Variants in FAM181B observed in about 807,000 individuals in gnomAD.
FAM181B encodes the protein protein FAM181B.
A neutral mutation model predicts 17.8 loss-of-function variants in FAM181B; 13 were observed. The ratio of observed to expected loss-of-function variants is 0.73; its 90% CI spans 0.48 to 1.16. FAM181B has a LOEUF of 1.16. Ranked by LOEUF, FAM181B falls within the 50% of genes most tolerant of loss-of-function variation. The pLI is 0.00. For synonymous variants in FAM181B, 338 were observed against 316.5 expected (o/e 1.07, Z -0.72); for missense variants, 725 against 634.1 (o/e 1.14, Z -1.54).
At position 82,730,724 on chromosome 11, in the gene FAM181B, G is replaced by C. The variant is rs1244470435; in HGVS notation, c.*1725C>G. 1 of 152,168 alleles carries C rather than the reference G, an allele frequency of 6.6e-6. No homozygotes were observed. Among genetic ancestry groups the C allele is most frequent in the Non-Finnish European group, 1.5e-5 (1 of 68,036 alleles). The allele number at this position is 152,168 out of a possible 1,614,324, so 9.4% of individuals were successfully genotyped here. A position where few individuals can be genotyped will look rare whatever the true frequency, so the allele number is the denominator to read the frequency against. On this transcript the variant is annotated 3_prime_UTR_variant, in exon 1 of 1. Coordinates refer to ENST00000329203, the MANE Select transcript of FAM181B (RefSeq NM_175885.4). The stretch of plus-strand genomic sequence containing the variant: ...TGACTTACTGATAGCATTTAAAGTT[G>C]CATCTACCATTGGTTAATACTCATT...
At position 82,733,629 on chromosome 11, in the gene FAM181B, T is replaced by G. The variant is rs1857171172; in HGVS notation, c.101A>C (p.Lys34Thr). Residue 34 changes from lysine (K) to threonine (T), a missense_variant, in exon 1 of 1, where the codon AAG (lysine) becomes ACG (threonine). Lys to Thr is a moderately conservative substitution (Grantham distance 78). Transcript: ENST00000329203. Reference sequence around the variant, plus strand: ...CTCATCGTCCTCGAAACAGCAGCCCTTGTCCAGGGCTCCGAAGGCGCCCCC... The same window carrying G: ...CTCATCGTCCTCGAAACAGCAGCCCGTGTCCAGGGCTCCGAAGGCGCCCCC... ...GLGGAFGALD[K>T]GCCFEDDETG... The G allele has an allele frequency of 1.2e-6, 2 of 1,600,118 alleles. No individual in the cohort carries two copies. The highest frequency in any genetic ancestry group is 1.7e-5 in the Admixed American group (1 of 59,498).
chr11:82,732,103 CCTT>C lies in FAM181B; in HGVS notation c.*343_*345del. On this transcript the variant is annotated 3_prime_UTR_variant, in exon 1 of 1. Transcript: ENST00000329203. ...GGGGTAATTACACTAAATACACTGA[CCTT>C]CGCTGAAAAATAGAAGGGACAGGTG... 1 of 315,580 alleles carries C rather than the reference CCTT, an allele frequency of 3.2e-6. No individual in the cohort carries two copies. The highest frequency in any genetic ancestry group is 4.6e-5 in the South Asian group (1 of 21,720). 19.5% of individuals were successfully genotyped at this position (315,580 alleles called of 1,614,324 possible).
In FAM181B at chr11:82,732,675, G is replaced by A; in HGVS notation, c.1055C>T (p.Pro352Leu). Residue 352 changes from proline (P) to leucine (L), a missense_variant, in exon 1 of 1, where the codon CCC (proline) becomes CTC (leucine). By Grantham distance (98) the Pro-to-Leu change is moderately conservative. Coordinates refer to ENST00000329203, the MANE Select transcript of FAM181B (RefSeq NM_175885.4). The stretch of plus-strand genomic sequence containing the variant: ...AGAATCCGCAGCGGCGGGGTACAGG[G>A]GGCTCAAGGGCTCGTTCAAGGTCAA... ...GGLTLNEPLS[P>L]LYPAAADSPG... is the part of the protein sequence containing the mutation. 1.4e-6 allele frequency: 2 copies of A among 1,470,114 alleles called. No individual in the cohort carries two copies. The highest frequency in any genetic ancestry group is 9.0e-7 in the Non-Finnish European group (1 of 1,110,436). 91.1% of individuals were successfully genotyped at this position (1,470,114 alleles called of 1,614,324 possible). A position where few individuals can be genotyped will look rare whatever the true frequency, so the allele number is the denominator to read the frequency against.
chr11:82,730,059 GGAGA>G lies in FAM181B; in HGVS notation c.*2386_*2389del, dbSNP rs978426077. 2 of 152,258 alleles carry G rather than the reference GGAGA, an allele frequency of 1.3e-5. No homozygotes were observed. Among genetic ancestry groups the G allele is most frequent in the South Asian group, 2.1e-4 (1 of 4,836 alleles). The allele number at this position is 152,258 out of a possible 1,614,324, so 9.4% of individuals were successfully genotyped here. ...GGAAGGCACGTCTTACATGGTGGCA[GGAGA>G]GAGAGATAGCAAGGAAGTGCCACAC... On this transcript the variant is annotated 3_prime_UTR_variant, in exon 1 of 1. Transcript: ENST00000329203.
Position 82,732,604 on chromosome 11 carries a change from A to G in FAM181B, c.1126T>C (p.Phe376Leu). 1 of 1,583,950 alleles carries G rather than the reference A, an allele frequency of 6.3e-7. No homozygotes were observed. Among genetic ancestry groups the G allele is most frequent in the Non-Finnish European group, 8.6e-7 (1 of 1,164,860 alleles). The change falls in exon 1 of 1, where the codon TTC becomes CTC. Residue 376 changes from phenylalanine to leucine, a missense_variant. Transcript: ENST00000329203. ...GGGGGCAGGGCGCAGTCTGGAAAGA[A>G]GGGGGCGAAAGAGGCCAAATGGCCC... ...GRGHLASFAP[F>L]FPDCALPPPP... is the part of the protein sequence containing the mutation.
rs758045082 is a variant in FAM181B, at chr11:82,733,392, G to A, written c.338C>T (p.Pro113Leu). Reference protein sequence around the residue: ...RCSGLMGAAPPGPPSPSAADT... With the variant: ...RCSGLMGAAPLGPPSPSAADT... ...GGCGGCGCTCGGGGAGGGCGGGCCGGGGGGCGCGGCGCCCATGAGGCCGCT... is the reference window on the plus strand; with the variant it reads ...GGCGGCGCTCGGGGAGGGCGGGCCGAGGGGCGCGGCGCCCATGAGGCCGCT... The change falls in exon 1 of 1, where the codon CCC (proline) becomes CTC (leucine). Residue 113 changes from proline to leucine, a missense_variant. Transcript: ENST00000329203. 1.4e-6 allele frequency: 2 copies of A among 1,473,352 alleles called. No individual in the cohort carries two copies. Among genetic ancestry groups the A allele is most frequent in the Non-Finnish European group, 1.8e-6 (2 of 1,110,390 alleles). The allele number at this position is 1,473,352 out of a possible 1,614,324, so 91.3% of individuals were successfully genotyped here.
chr11:82,732,987 G>T lies in FAM181B; in HGVS notation c.743C>A (p.Pro248Gln). The T allele has an allele frequency of 6.4e-7, 1 of 1,557,968 alleles. No homozygotes were observed. The highest frequency in any genetic ancestry group is 8.6e-7 in the Non-Finnish European group (1 of 1,161,912). ...AGGGGCGPSG[P>Q]DVSLGDLEKG... ...CTCCAGGTCGCCCAAGCTCACGTCCGGCCCCGACGGGCCACACCCGCCGCC... is the reference window on the plus strand; with the variant it reads ...CTCCAGGTCGCCCAAGCTCACGTCCTGCCCCGACGGGCCACACCCGCCGCC... The change falls in exon 1 of 1, where the codon CCG becomes CAG. Residue 248 changes from proline to glutamine, a missense_variant. Pro to Gln is a moderately conservative substitution (Grantham distance 76, BLOSUM62 -1). Transcript: ENST00000329203.
At position 82,733,117 on chromosome 11, in the gene FAM181B, C is replaced by G; in HGVS notation, c.613G>C (p.Val205Leu). Residue 205 changes from valine (V) to leucine (L), a missense_variant, in exon 1 of 1, where the codon GTG becomes CTG. Val to Leu is a conservative substitution (Grantham distance 32). Transcript: ENST00000329203. Reference protein sequence around the residue: ...GAGTGGAGGDVAGPAGATAIP... With the variant: ...GAGTGGAGGDLAGPAGATAIP... The stretch of plus-strand genomic sequence containing the variant: ...GCCGTGGCCCCCGCGGGGCCTGCCA[C>G]GTCCCCTCCCGCGCCCCCAGTGCCC... The G allele has an allele frequency of 6.8e-7, 1 of 1,466,360 alleles. No homozygotes were observed. Among genetic ancestry groups the G allele is most frequent in the Non-Finnish European group, 8.9e-7 (1 of 1,118,298 alleles). 90.8% of individuals were successfully genotyped at this position (1,466,360 alleles called of 1,614,324 possible). A position where few individuals can be genotyped will look rare whatever the true frequency, so the allele number is the denominator to read the frequency against.
Position 82,733,737 on chromosome 11 carries a change from G to C in FAM181B, c.-8C>G. 1 of 1,399,524 alleles carries C rather than the reference G, an allele frequency of 7.1e-7. No homozygotes were observed. The highest frequency in any genetic ancestry group is 9.3e-7 in the Non-Finnish European group (1 of 1,078,126). 86.7% of individuals were successfully genotyped at this position (1,399,524 alleles called of 1,614,324 possible). A position where few individuals can be genotyped will look rare whatever the true frequency, so the allele number is the denominator to read the frequency against. On this transcript the variant is annotated 5_prime_UTR_variant, in exon 1 of 1. Transcript: ENST00000329203. ...CGCCGCCTGCACCGCCATCGCCGCG[G>C]CTCCCGGGCTGTCCGCAGCGCTGCC...
Position 82,733,469 on chromosome 11 carries a change from C to A in FAM181B, c.261G>T (p.Ser87=). 1 of 1,599,644 alleles carries A rather than the reference C, an allele frequency of 6.3e-7. No individual in the cohort carries two copies. Among genetic ancestry groups the A allele is most frequent in the Non-Finnish European group, 8.5e-7 (1 of 1,173,842 alleles). ...IKLALDKPGK[S]KRKVNHRKYL... The stretch of plus-strand genomic sequence containing the variant: ...ACTTGCGGTGGTTCACCTTCCGCTT[C>A]GACTTGCCCGGCTTGTCCAGCGCCA... Residue 87 remains serine (S), a synonymous_variant, in exon 1 of 1, where the codon TCG becomes TCT. Transcript: ENST00000329203.
rs770109988 is a variant in FAM181B at position 82,732,477 on chromosome 11, G to A, written c.1253C>T (p.Pro418Leu). The stretch of plus-strand genomic sequence containing the variant: ...GTCCCGGTGCGCCCCCTCCTCCCCC[G>A]GCGCCCCTTCCCAAACCCCGTCGGA... ...WRSDGVWEGA[P>L]GEEGAHRD Residue 418 changes from proline (P) to leucine (L), a missense_variant, in exon 1 of 1, where the codon CCG becomes CTG. Coordinates refer to ENST00000329203, the MANE Select transcript of FAM181B (RefSeq NM_175885.4). 2.5e-6 allele frequency: 4 copies of A among 1,612,448 alleles called. No individual in the cohort carries two copies. In the African/African-American group the frequency reaches 4.0e-5, roughly 16 times the overall value.
Position 82,733,009 on chromosome 11 carries a change from C to A in FAM181B, c.721G>T (p.Gly241Cys), listed in dbSNP as rs1857156445. ...FFTEPSRAGG[G>C]GCGPSGPDVS... is the part of the protein sequence containing the mutation. ...TCCGGCCCCGACGGGCCACACCCGC[C>A]GCCGCCTGCCCGGGACGGCTCCGTG... The change falls in exon 1 of 1, where the codon GGC (glycine) becomes TGC (cysteine). Residue 241 changes from glycine (G) to cysteine (C), a missense_variant. Transcript: ENST00000329203. 1.9e-6 allele frequency: 3 copies of A among 1,548,896 alleles called. No homozygotes were observed. The highest frequency in any genetic ancestry group is 2.5e-5 in the East Asian group (1 of 39,932).
At position 82,732,696 on chromosome 11, in the gene FAM181B, G is replaced by A. The variant is rs1171491698; in HGVS notation, c.1034C>T (p.Thr345Ile). 6.4e-5 allele frequency: 93 copies of A among 1,460,208 alleles called. No homozygotes were observed. The highest frequency in any genetic ancestry group is 8.3e-5 in the Non-Finnish European group (92 of 1,105,566). 90.5% of individuals were successfully genotyped at this position (1,460,208 alleles called of 1,614,324 possible). ...CAGGGGGCTCAAGGGCTCGTTCAAG[G>A]TCAAGCCGCCGCGGGGGGCAGTCAG... is the stretch of plus-strand genomic sequence containing the variant. ...SPLTAPRGGL[T>I]LNEPLSPLYP... Residue 345 changes from threonine (T) to isoleucine (I), a missense_variant, in exon 1 of 1, where the codon ACC becomes ATC. Transcript: ENST00000329203.
At position 82,733,861 on chromosome 11, in the gene FAM181B, C is replaced by G; in HGVS notation, c.-132G>C. On this transcript the variant is annotated 5_prime_UTR_variant, in exon 1 of 1. Coordinates refer to ENST00000329203, the MANE Select transcript of FAM181B (RefSeq NM_175885.4). ...TACTAGTTCCGGGCCTGGCTCGCTGCGCTGCCTCCCGGGGGAGCTCATTAG... is the reference window on the plus strand; with the variant it reads ...TACTAGTTCCGGGCCTGGCTCGCTGGGCTGCCTCCCGGGGGAGCTCATTAG... 1.4e-6 allele frequency: 1 copy of G among 701,372 alleles called. No homozygotes were observed. The highest frequency in any genetic ancestry group is 1.9e-6 in the Non-Finnish European group (1 of 527,776). The allele number at this position is 701,372 out of a possible 1,614,324, so 43.4% of individuals were successfully genotyped here.
chr11:82,731,464 A>G lies in FAM181B; in HGVS notation c.*985T>C, dbSNP rs776398575. ...GTTTCCGTGTGTAGAAACCATTTAT[A>G]TATACACAGCAGAACCAATCAAGCA... On this transcript the variant is annotated 3_prime_UTR_variant, in exon 1 of 1. Coordinates refer to ENST00000329203, the MANE Select transcript of FAM181B (RefSeq NM_175885.4). 6 of 152,308 alleles carry G rather than the reference A, an allele frequency of 3.9e-5. No individual in the cohort carries two copies. Among genetic ancestry groups the G allele is most frequent in the Non-Finnish European group, 8.8e-5 (6 of 68,104 alleles). The allele number at this position is 152,308 out of a possible 1,614,324, so 9.4% of individuals were successfully genotyped here.
rs768388699 is a variant in FAM181B, at chr11:82,732,931, G to C, written c.799C>G (p.Leu267Val). The C allele has an allele frequency of 2.0e-5, 32 of 1,574,466 alleles. No homozygotes were observed. Among genetic ancestry groups the C allele is most frequent in the Middle Eastern group, 3.3e-4 (2 of 6,008 alleles). Residue 267 changes from leucine to valine, a missense_variant, in exon 1 of 1, where the codon CTG becomes GTG. By Grantham distance (32) the Leu-to-Val change is conservative (BLOSUM62 1). Coordinates refer to ENST00000329203, the MANE Select transcript of FAM181B (RefSeq NM_175885.4). ...KGAEAVEFFELLGPDYGAGTE... is the reference protein window; with the variant it reads ...KGAEAVEFFEVLGPDYGAGTE... ...CCGGCGCCGTAGTCGGGCCCCAGCA[G>C]CTCAAAGAACTCCACGGCCTCCGCG...
rs1436849253 is a variant in FAM181B at position 82,731,495 on chromosome 11, AC to A, written c.*953del. ...ACAGCAGAACCAATCAAGCACTGCC[AC>A]AGCCTCAAGACATTTTACTTATTTC... On this transcript the variant is annotated 3_prime_UTR_variant, in exon 1 of 1. Transcript: ENST00000329203. The A allele has an allele frequency of 6.6e-6, 1 of 152,318 alleles. No homozygotes were observed. Among genetic ancestry groups the A allele is most frequent in the East Asian group, 1.9e-4 (1 of 5,198 alleles). The allele number at this position is 152,318 out of a possible 1,614,324, so 9.4% of individuals were successfully genotyped here.
Position 82,733,184 on chromosome 11 carries a change from C to T in FAM181B, c.546G>A (p.Ala182=), listed in dbSNP as rs986096. The T allele has an allele frequency of 6.6e-6, 9 of 1,365,192 alleles. No homozygotes were observed. Among genetic ancestry groups the T allele is most frequent in the Non-Finnish European group, 5.6e-6 (6 of 1,067,706 alleles). The allele number at this position is 1,365,192 out of a possible 1,614,324, so 84.6% of individuals were successfully genotyped here. A position where few individuals can be genotyped will look rare whatever the true frequency, so the allele number is the denominator to read the frequency against. The part of the protein sequence containing the change: ...LRHVPGGAEP[A]GGEVAAPAAG... ...CCGCCGGCGCAGCCACCTCACCCCC[C>T]GCCGGCTCGGCACCCCCGGGGACGT... Residue 182 remains alanine (A), a synonymous_variant, in exon 1 of 1, where the codon GCG becomes GCA. Transcript: ENST00000329203.
chr11:82,733,726 C>A lies in FAM181B; in HGVS notation c.4G>T (p.Ala2Ser), dbSNP rs548545913. The A allele has an allele frequency of 7.1e-7, 1 of 1,414,994 alleles. No individual in the cohort carries two copies. The highest frequency in any genetic ancestry group is 1.5e-5 in the South Asian group (1 of 67,442). 87.7% of individuals were successfully genotyped at this position (1,414,994 alleles called of 1,614,324 possible). A position where few individuals can be genotyped will look rare whatever the true frequency, so the allele number is the denominator to read the frequency against. M[A>S]VQAALLSTHP... ...GTGCTGAGGAGCGCCGCCTGCACCG[C>A]CATCGCCGCGGCTCCCGGGCTGTCC... The change falls in exon 1 of 1, where the codon GCG becomes TCG. Residue 2 changes from alanine (A) to serine (S), a missense_variant. Coordinates refer to ENST00000329203, the MANE Select transcript of FAM181B (RefSeq NM_175885.4).
Sources: gnomAD v4.1 joint callset for allele counts on GRCh38, gnomAD v4.1.1 for gene constraint, MANE v1.5 for transcripts, NCBI Gene and HGNC (gene_info 2026-07-23, HGNC 2026-07-21) for gene names.